EXOC4: variants seen among roughly 807,000 people sequenced by gnomAD.
The protein encoded by EXOC4 is SEC8-like 1.
EXOC4 carries 71 observed loss-of-function variants against 107.2 expected under a neutral mutation model. The observed-to-expected ratio is 0.66, with a 90% CI of 0.55 to 0.81. EXOC4 has a LOEUF of 0.81. EXOC4 is among the 30% of genes least tolerant of loss of function. The pLI is 0.00. For missense variants in EXOC4, 1,108 were observed against 1,189.6 expected (o/e 0.93, Z 1.01); for synonymous variants, 456 against 441.2 (o/e 1.03, Z -0.42).
intron 9 of EXOC4, among the ~76,000 whole-genome samples, chr7:133,592,117 A>AGT (rs2150979093): frequency 6.6e-6 from 1 of 152,184 alleles, no homozygotes; most frequent in South Asian, 2.1e-4. Flanking sequence ...ACTGGAGTGC[A>AGT]GTGACATGAT....
intron 7 of EXOC4, among the ~76,000 whole-genome samples, chr7:133,408,954 A>G (rs542132252): frequency 1.8e-4 from 27 of 152,308 alleles, no homozygotes; most frequent in East Asian, 7.7e-4. Context: ...CTGAACTATC[A>G]TAGGTAGCCT....
chr7:133,516,995 T>C (rs1190062634), intron 9 of EXOC4, among the ~76,000 whole-genome samples: 1 of 151,982 alleles, frequency 6.6e-6, no homozygotes, highest in Non-Finnish European at 1.5e-5. Context: ...TATCTATTTA[T>C]CTTTCTGATG....
intron 11 of EXOC4, among the ~76,000 whole-genome samples, chr7:133,826,065 A>G (rs1458307400): frequency 3.3e-5 from 5 of 152,226 alleles, no homozygotes; most frequent in Non-Finnish European, 7.3e-5. Context: ...CATGTCAAGA[A>G]TAATGACTTG....
At chr7:133,757,189 A>C (rs1795936949) in intron 10 of EXOC4, among the ~76,000 whole-genome samples, 2 of 152,176 alleles carry the variant, frequency 1.3e-5, no homozygotes, top group Non-Finnish European at 2.9e-5. Context: ...AAGATAGTGG[A>C]TCCTACTTTA....
chr7:133,263,594 C>T (rs1793636754), intron 1 of EXOC4, among the ~76,000 whole-genome samples: 1 of 151,886 alleles, frequency 6.6e-6, no homozygotes, highest in Admixed American at 6.6e-5. Context: ...GTTGGCCAGG[C>T]TGGTCTCAAA....
At chr7:133,580,435 G>A (rs1018306741) in intron 9 of EXOC4, among the ~76,000 whole-genome samples, 6 of 151,838 alleles carry the variant, frequency 4.0e-5, no homozygotes, top group Non-Finnish European at 5.9e-5. Flanking sequence ...TTTTCCATAC[G>A]ACTACAGCAT....
At chr7:133,877,226 C>T (rs1798869046) in intron 11 of EXOC4, among the ~76,000 whole-genome samples, 1 of 152,128 alleles carries the variant, frequency 6.6e-6, no homozygotes, top group Non-Finnish European at 1.5e-5. Context: ...GCTGTTTTAA[C>T]CTCCTTGTCT....
intron 5 of EXOC4, among the ~76,000 whole-genome samples, chr7:133,318,908 G>A (rs1215986337): frequency 6.6e-6 from 1 of 152,174 alleles, no homozygotes; most frequent in African/African-American, 2.4e-5. Context: ...TCTTCTTGGA[G>A]CTAGAAAGGT....
intron 6 of EXOC4, among the ~76,000 whole-genome samples, chr7:133,361,315 C>G (rs1027907812): frequency 6.6e-6 from 1 of 152,198 alleles, no homozygotes; most frequent in African/African-American, 2.4e-5. Flanking sequence ...GAGTCTTGCT[C>G]TGTTGCCCAG....
chr7:133,831,114 G>A (rs906158379), intron 11 of EXOC4, among the ~76,000 whole-genome samples: 6 of 151,998 alleles, frequency 3.9e-5, no homozygotes, highest in South Asian at 2.1e-4. Context: ...ACAGGCACCC[G>A]CCACCACGCC....
intron 5 of EXOC4, among the ~76,000 whole-genome samples, chr7:133,348,351 TTTA>T (rs1795833156): frequency 6.6e-6 from 1 of 152,212 alleles, no homozygotes; most frequent in Non-Finnish European, 1.5e-5. Context: ...GCTGTGTCAT[TTTA>T]TTATTCATAC....
At chr7:133,850,272 T>C (rs1798213487) in intron 11 of EXOC4, among the ~76,000 whole-genome samples, 1 of 152,188 alleles carries the variant, frequency 6.6e-6, no homozygotes, top group Non-Finnish European at 1.5e-5. Context: ...TTTAGGGCAT[T>C]CTAAGGAGAA....
At chr7:133,902,956 G>C (rs1363194746) in intron 12 of EXOC4, among the ~76,000 whole-genome samples, 38 of 152,168 alleles carry the variant, frequency 2.5e-4, no homozygotes, top group Admixed American at 6.5e-5. Flanking sequence ...AGAGGAGCAG[G>C]TTGTAGTTTT....
At chr7:133,466,384 G>A (rs1448412965) in intron 7 of EXOC4, among the ~76,000 whole-genome samples, 1 of 151,978 alleles carries the variant, frequency 6.6e-6, no homozygotes, top group Non-Finnish European at 1.5e-5. Context: ...AAATGAAAGA[G>A]GAGATATAAC....
chr7:134,086,280 A>G, the EXOC4 span, among the ~76,000 whole-genome samples: 1 of 152,230 alleles, frequency 6.6e-6, no homozygotes, highest in South Asian at 2.1e-4. Flanking sequence ...TAAACTTGAA[A>G]TGTTCCAAAA....
At chr7:133,386,338 T>C (rs1481355215) in intron 7 of EXOC4, among the ~76,000 whole-genome samples, 1 of 152,164 alleles carries the variant, frequency 6.6e-6, no homozygotes, top group Non-Finnish European at 1.5e-5. Flanking sequence ...CCAGAGCTGA[T>C]GGTAATTGCA....
At position 133,775,306 on chromosome 7, in the gene EXOC4, CAGTT is replaced by C. The variant is rs564516773; in HGVS notation, c.1515-42016_1515-42013del. ...AGCCTTCATGTGTTAGGCTTTGTCT[CAGTT>C]AGACGAGTGTACATGGATCATTTGT... On this transcript the variant is annotated intron_variant, in intron 10 of 17. Transcript: ENST00000253861. Among the ~76,000 whole-genome samples, 355 of 152,274 alleles carry C rather than the reference CAGTT, an allele frequency of 2.3e-3. 3 individuals are homozygous for C. Among genetic ancestry groups the C allele is most frequent in the African/African-American group, 7.8e-3 (326 of 41,560 alleles).
intron 9 of EXOC4, among the ~76,000 whole-genome samples, chr7:133,536,619 G>A (rs1049780435): frequency 2.6e-5 from 4 of 151,144 alleles, no homozygotes; most frequent in African/African-American, 9.7e-5. Flanking sequence ...CTTTATCCTG[G>A]CTATGGGAGT....
intron 17 of EXOC4, among the ~76,000 whole-genome samples, chr7:134,008,908 G>C (rs1794705677): frequency 1.3e-5 from 2 of 152,054 alleles, no homozygotes. Context: ...TGGAATTATA[G>C]GCATAAGTCA....
Sources: allele counts gnomAD v4.1 joint callset (sites outside exome capture counted in the v4.1 genomes callset), GRCh38; gene constraint gnomAD v4.1.1; transcripts MANE v1.5; gene names NCBI Gene and HGNC (gene_info 2026-07-23, HGNC 2026-07-21).